The following FANCA variants were observed in gnomAD, a reference collection of about 807,000 sequenced individuals.
The protein encoded by FANCA is FA complementation group A, also known as Fanconi anemia group A protein.
FANCA carries 236 observed loss-of-function variants against 194.3 expected under a neutral mutation model. The observed-to-expected ratio is 1.21, with a 90% confidence interval of 1.09 to 1.35. FANCA has a LOEUF of 1.35. Ranked by LOEUF, FANCA falls within the 40% of genes most tolerant of loss-of-function variation. The probability of loss-of-function intolerance (pLI) is 0.00; values close to 1 mark genes in which losing one functional copy is unlikely to be tolerated. For synonymous variants in FANCA, 1,014 were observed against 715.8 expected, an observed-to-expected ratio of 1.42 and a Z score of -6.65; for missense variants, 2,628 against 1,813.9, an observed-to-expected ratio of 1.45 and a Z score of -8.15.
At chr16:89,784,028 T>G (rs1204145980) in intron 15 of FANCA, among the ~76,000 whole-genome samples, 1 of 152,006 alleles carries the variant, frequency 6.6e-6, no homozygotes, top group African/African-American at 2.4e-5. Context: ...CCAAAAGTGC[T>G]GGGTTACAGG....
chr16:89,784,019 C>T (rs1247378999), intron 15 of FANCA, among the ~76,000 whole-genome samples: 1 of 152,002 alleles, frequency 6.6e-6, no homozygotes, highest in African/African-American at 2.4e-5. Flanking sequence ...CCTCAGCCTC[C>T]AAAAGTGCTG....
intron 20 of FANCA, among the ~76,000 whole-genome samples, chr16:89,776,782 G>C (rs1281964471): frequency 6.6e-6 from 1 of 152,024 alleles, no homozygotes; most frequent in African/African-American, 2.4e-5. Flanking sequence ...AGTGAGCCGA[G>C]ATTGCGCCAC....
At chr16:89,767,265 T>C (rs2039162390) in intron 26 of FANCA, 28 bp from the exon 27 acceptor site, 2 of 1,479,010 alleles carry the variant, frequency 1.4e-6, no homozygotes, top group Non-Finnish European at 1.9e-6. Context: ...AACATATAAA[T>C]GTAATCCATA....
chr16:89,763,963 C>T (rs1349017828), intron 28 of FANCA, among the ~76,000 whole-genome samples: 3 of 150,314 alleles, frequency 2.0e-5, no homozygotes, highest in African/African-American at 7.3e-5. Context: ...AACAAGTTCT[C>T]GGGCGCAATG....
At chr16:89,798,783 T>C (rs2040336927) in intron 10 of FANCA, 4 of 1,413,392 alleles carry the variant, frequency 2.8e-6, no homozygotes, top group Non-Finnish European at 2.8e-6. Flanking sequence ...AGCTACAGTG[T>C]GTTCTAGAAA....
rs1329887884 is a variant in FANCA at position 89,742,976 on chromosome 16, A to C, written c.3627-38T>G. Reference sequence around the variant, plus strand: ...GAACGGGGTCATTGCAGGGCCTTACAACCATACAACCACGCCATAGAAACC... The same window carrying C: ...GAACGGGGTCATTGCAGGGCCTTACCACCATACAACCACGCCATAGAAACC... On this transcript the variant is annotated intron_variant, in intron 36 of 42. Coordinates refer to ENST00000389301, the MANE Select transcript of FANCA (RefSeq NM_000135.4). 3 of 1,600,002 alleles carry C rather than the reference A, an allele frequency of 1.9e-6. No individual in the cohort carries two copies. The Admixed American group carries it at 5.1e-5, about 27-fold the overall frequency.
In FANCA at chr16:89,742,934, G is replaced by A. The variant is rs140143192; in HGVS notation, c.3631C>T (p.Leu1211Phe). 1.1e-5 allele frequency: 17 copies of A among 1,613,844 alleles called. No homozygotes were observed. The South Asian group carries it at 1.8e-4, about 17-fold the overall frequency. ...GCTGGGGAGGCAGCCTCAGGGGAGA[G>A]GAAACTGGGACAGAGAGAACGGGGT... ...QEGRQFASDF[L>F]SPEAASPAPN... Residue 1211 changes from leucine to phenylalanine, a missense_variant, in exon 37 of 43, where the codon CTC becomes TTC. Physicochemically the swap from Leu to Phe is conservative, Grantham distance 22. Transcript: ENST00000389301.
In FANCA at chr16:89,765,018, A is replaced by G. The variant is rs1341445608; in HGVS notation, c.2650T>C (p.Ser884Pro). The G allele has an allele frequency of 6.2e-7, 1 of 1,614,254 alleles. No homozygotes were observed. The highest frequency in any genetic ancestry group is 1.7e-5 in the Admixed American group (1 of 60,028). ...RLFSEARQPL[S>P]EEDVASLSWR... ...GAAAGGCTGGCTACGTCCTCCTCAG[A>G]AAGAGGCTGTCGGGCCTCTGAGAAC... The change falls in exon 28 of 43, where the codon TCT (serine) becomes CCT (proline). Residue 884 changes from serine to proline, a missense_variant. Physicochemically the swap from Ser to Pro is moderately conservative, Grantham distance 74. Transcript: ENST00000389301.
intron 11 of FANCA, among the ~76,000 whole-genome samples, chr16:89,795,229 G>C (rs779421971): frequency 6.6e-6 from 1 of 151,120 alleles, no homozygotes; most frequent in Non-Finnish European, 1.5e-5. Context: ...AGGTTGCAGT[G>C]AGCCCAAATC....
intron 8 of FANCA, among the ~76,000 whole-genome samples, chr16:89,801,343 C>CAA (rs60802306): frequency 0.047 from 4,687 of 100,198 alleles, 387 homozygotes; most frequent in African/African-American, 0.17. Flanking sequence ...GACTCTGTCT[C>CAA]AAAAAAAAAA....
chr16:89,755,497 G>C (rs1289497957), intron 30 of FANCA, among the ~76,000 whole-genome samples: 2 of 152,138 alleles, frequency 1.3e-5, no homozygotes, highest in Admixed American at 1.3e-4. Context: ...GAGCCACCGT[G>C]GCTGGCCCAA....
intron 30 of FANCA, among the ~76,000 whole-genome samples, chr16:89,753,980 G>T (rs950499595): frequency 3.3e-5 from 5 of 152,262 alleles, no homozygotes; most frequent in Middle Eastern, 3.4e-3. Flanking sequence ...CCTGAACCTG[G>T]AAGGCGGAGG....
At position 89,803,179 on chromosome 16, in the gene FANCA, A is replaced by C. The variant is rs549031438; in HGVS notation, c.792+80T>G. On this transcript the variant is annotated intron_variant, in intron 8 of 42. Coordinates refer to ENST00000389301, the MANE Select transcript of FANCA (RefSeq NM_000135.4). ...AGGTACAAACAGCACGTTTCAATAG[A>C]GAGACACGTAAATACATTTCAACAC... The C allele has an allele frequency of 2.3e-6, 3 of 1,316,334 alleles. No homozygotes were observed. The East Asian group carries it at 6.9e-5, about 30-fold the overall frequency. The allele number at this position is 1,316,334 out of a possible 1,614,324, so 81.5% of individuals were successfully genotyped here. A position where few individuals can be genotyped will look rare whatever the true frequency, so the allele number is the denominator to read the frequency against.
At chr16:89,796,059 G>C in intron 10 of FANCA, 41 bp from the exon 11 acceptor site, 1 of 1,443,426 alleles carries the variant, frequency 6.9e-7, no homozygotes, top group Non-Finnish European at 9.8e-7. Context: ...AAGGGAGGGT[G>C]CCTTGCACGC....
intron 17 of FANCA, 132 bp downstream of exon 17, chr16:89,782,727 C>A (rs928901298): frequency 1.2e-5 from 9 of 777,034 alleles, no homozygotes; most frequent in Non-Finnish European, 2.0e-5. Flanking sequence ...GCCTCGCCCC[C>A]AGCTGCGCCC....
chr16:89,747,313 T>C (rs1213196177), intron 33 of FANCA, among the ~76,000 whole-genome samples: 4 of 152,320 alleles, frequency 2.6e-5, no homozygotes, highest in African/African-American at 9.6e-5. Flanking sequence ...AACTGAGAGC[T>C]TTCTGAAAAA....
At chr16:89,770,458 T>C (rs908987829) in intron 24 of FANCA, 106 bp downstream of exon 24, 5 of 1,157,986 alleles carry the variant, frequency 4.3e-6, no homozygotes, top group Non-Finnish European at 6.3e-6. Context: ...CATCGCCGCA[T>C]GCTCCTGCGG....
chr16:89,784,103 C>T (rs867482886), intron 15 of FANCA, among the ~76,000 whole-genome samples: 1 of 152,058 alleles, frequency 6.6e-6, no homozygotes, highest in Non-Finnish European at 1.5e-5. Flanking sequence ...CAGTGGCTCA[C>T]ACCTGTAATC....
chr16:89,805,284 A>G lies in FANCA; in HGVS notation c.705T>C (p.Leu235=), dbSNP rs756741710. The part of the protein sequence containing the change: ...CQHADVARAM[L]SDFVQMFVLR... ...CGCATCTTGTCATGAACGCACCAGA[A>G]AGCATGGCCCTGGCGACGTCAGCAT... The change falls in exon 7 of 43, where the codon CTT becomes CTC. Residue 235 remains leucine (L), a synonymous_variant. Coordinates refer to ENST00000389301, the MANE Select transcript of FANCA (RefSeq NM_000135.4). 1 of 1,612,866 alleles carries G rather than the reference A, an allele frequency of 6.2e-7. No individual in the cohort carries two copies. Among genetic ancestry groups the G allele is most frequent in the South Asian group, 1.1e-5 (1 of 91,038 alleles).
Sources: gnomAD v4.1 joint callset for allele counts (sites outside exome capture counted in the v4.1 genomes callset) on GRCh38, gnomAD v4.1.1 for gene constraint, MANE v1.5 for transcripts, NCBI Gene and HGNC (gene_info 2026-07-23, HGNC 2026-07-21) for gene names.